Variants in PLCB1 observed in about 807,000 individuals in gnomAD.
PLCB1 encodes phospholipase C beta 1, also known as 1-phosphatidylinositol 4,5-bisphosphate phosphodiesterase beta-1.
In PLCB1, 46 loss-of-function variants were observed where a neutral mutation model predicts 161.8. The ratio of observed to expected loss-of-function variants is 0.28; its 90% CI spans 0.22 to 0.36. The LOEUF (loss-of-function observed/expected upper bound fraction) is 0.36. PLCB1 is among the 10% of genes least tolerant of loss of function. The pLI is 1.00. For missense variants in PLCB1, 1,016 were observed against 1,472.5 expected (o/e 0.69, Z 5.07); for synonymous variants, 517 against 503.7 (o/e 1.03, Z -0.35).
chr20:8,444,735 A>G (rs911315829), intron 3 of PLCB1, among the ~76,000 whole-genome samples: 23 of 152,100 alleles, frequency 1.5e-4, no homozygotes, highest in Admixed American at 1.2e-3. Flanking sequence ...TTTAATGATC[A>G]CCATTCTAAC....
At chr20:8,455,432 C>CA (rs1981265402) in intron 3 of PLCB1, among the ~76,000 whole-genome samples, 2 of 74,168 alleles carry the variant, frequency 2.7e-5, no homozygotes, top group Non-Finnish European at 4.5e-5. Flanking sequence ...TATTCTTCCT[C>CA]TTTTTTTTTT....
At chr20:8,149,443 G>T (rs2051486622) in intron 1 of PLCB1, among the ~76,000 whole-genome samples, 1 of 152,034 alleles carries the variant, frequency 6.6e-6, no homozygotes, top group Non-Finnish European at 1.5e-5. Flanking sequence ...AATTATCTCT[G>T]CAAGTTCTAA....
At chr20:8,210,329 C>T (rs537100465) in intron 2 of PLCB1, among the ~76,000 whole-genome samples, 1 of 152,096 alleles carries the variant, frequency 6.6e-6, no homozygotes, top group South Asian at 2.1e-4. Flanking sequence ...TATAGTCATG[C>T]CTCTCCAATC....
chr20:8,832,361 C>T (rs759514055), intron 31 of PLCB1, among the ~76,000 whole-genome samples: 10 of 152,148 alleles, frequency 6.6e-5, no homozygotes, highest in Admixed American at 5.2e-4. Context: ...TGAAAACTGC[C>T]CATTATAATA....
At chr20:8,874,784 AT>A (rs754329226) in intron 31 of PLCB1, among the ~76,000 whole-genome samples, 58 of 152,026 alleles carry the variant, frequency 3.8e-4, no homozygotes, top group Non-Finnish European at 7.5e-4. Flanking sequence ...AATCAATGCT[AT>A]TTTTCCTGTA....
intron 2 of PLCB1, among the ~76,000 whole-genome samples, chr20:8,233,233 T>C (rs1980155783): frequency 3.2e-5 from 2 of 62,978 alleles, no homozygotes; most frequent in Non-Finnish European, 5.8e-5. Flanking sequence ...AGATGTCATA[T>C]TCATCAATTG....
At chr20:8,399,862 C>G (rs1303251303) in intron 3 of PLCB1, among the ~76,000 whole-genome samples, 1 of 151,800 alleles carries the variant, frequency 6.6e-6, no homozygotes, top group Non-Finnish European at 1.5e-5. Context: ...GAAAAAAAAC[C>G]TTTTGGTTAT....
chr20:8,646,171 C>T lies in PLCB1; in HGVS notation c.454C>T (p.Leu152=). 2 of 1,610,332 alleles carry T rather than the reference C, an allele frequency of 1.2e-6. No individual in the cohort carries two copies. Among genetic ancestry groups the T allele is most frequent in the Non-Finnish European group, 1.7e-6 (2 of 1,176,560 alleles). The change falls in exon 5 of 32, where the codon CTG becomes TTG. Residue 152 remains leucine (L), a synonymous_variant. Transcript: ENST00000338037. ...CCAAAACATGTCCAGGGATGCATTTCTGGAAAAAGCGTAAGTCACTCTAAT... is the reference window on the plus strand; with the variant it reads ...CCAAAACATGTCCAGGGATGCATTTTTGGAAAAAGCGTAAGTCACTCTAAT... ...LAQNMSRDAF[L]EKAYTKLKLQ...
rs577155906 is a variant in PLCB1, at chr20:8,236,561, A to G, written c.177+86190A>G. ...ATATTAATTAATTAATTAATATAAA[A>G]TAAAGGTACTAAATCAATTGGGTAA... On this transcript the variant is annotated intron_variant, in intron 2 of 31. Transcript: ENST00000338037. Among the ~76,000 whole-genome samples the G allele has an allele frequency of 3.9e-5, 6 of 152,136 alleles. No individual in the cohort carries two copies. In the South Asian group the frequency reaches 1.2e-3, roughly 32 times the overall value.
intron 31 of PLCB1, among the ~76,000 whole-genome samples, chr20:8,812,629 A>T (rs1984881903): frequency 6.6e-6 from 1 of 152,202 alleles, no homozygotes; most frequent in Non-Finnish European, 1.5e-5. Flanking sequence ...ACCTATGAGG[A>T]TGCAGAGAGC....
chr20:8,443,269 A>C (rs150070725), intron 3 of PLCB1, among the ~76,000 whole-genome samples: 4 of 152,084 alleles, frequency 2.6e-5, no homozygotes, highest in Admixed American at 6.6e-5. Flanking sequence ...CGTGAGCCAC[A>C]GCACCTGGCC....
chr20:8,196,800 T>G (rs2052029257), intron 2 of PLCB1, among the ~76,000 whole-genome samples: 1 of 152,048 alleles, frequency 6.6e-6, no homozygotes, highest in Admixed American at 6.6e-5. Flanking sequence ...GTATATCTCC[T>G]AATGCTATCC....
chr20:8,181,123 C>T (rs2123089738), intron 2 of PLCB1, among the ~76,000 whole-genome samples: 1 of 151,772 alleles, frequency 6.6e-6, no homozygotes, highest in South Asian at 2.1e-4. Context: ...TGGTGGCATG[C>T]CTGTAATCCC....
chr20:8,136,554 A>G (rs989996957), intron 1 of PLCB1, among the ~76,000 whole-genome samples: 54 of 150,934 alleles, frequency 3.6e-4, no homozygotes, highest in Admixed American at 1.3e-3. Flanking sequence ...TGAACCTGGG[A>G]GGCGGAGCTT....
chr20:8,604,924 A>G (rs1800593212), intron 3 of PLCB1, among the ~76,000 whole-genome samples: 1 of 152,156 alleles, frequency 6.6e-6, no homozygotes, highest in South Asian at 2.1e-4. Flanking sequence ...TATTTGTTAT[A>G]AATATCACTG....
chr20:8,574,323 CAA>C (rs1419827978), intron 3 of PLCB1, among the ~76,000 whole-genome samples: 1 of 152,118 alleles, frequency 6.6e-6, no homozygotes, highest in East Asian at 1.9e-4. Flanking sequence ...TGCTTGAAGA[CAA>C]GAGGCAGAGG....
intron 3 of PLCB1, among the ~76,000 whole-genome samples, chr20:8,540,755 C>G (rs1378816465): frequency 6.6e-6 from 1 of 152,128 alleles, no homozygotes; most frequent in Non-Finnish European, 1.5e-5. Flanking sequence ...TCCACCTTCT[C>G]CACAGTTGTT....
At chr20:8,304,134 A>G (rs1984025336) in intron 2 of PLCB1, among the ~76,000 whole-genome samples, 1 of 152,198 alleles carries the variant, frequency 6.6e-6, no homozygotes, top group South Asian at 2.1e-4. Context: ...TGGGGACCAA[A>G]TCTGATGGAC....
rs1345099150 is a variant in PLCB1 at position 8,334,969 on chromosome 20, A to G, written c.178-36413A>G. The stretch of plus-strand genomic sequence containing the variant: ...CAGACTCTTCATAAAATTTCCTATA[A>G]CCATACCTATTTCTGTACCAAATTC... On this transcript the variant is annotated intron_variant, in intron 2 of 31. Coordinates refer to ENST00000338037, the MANE Select transcript of PLCB1 (RefSeq NM_015192.4). Among the ~76,000 whole-genome samples the G allele has an allele frequency of 3.3e-5, 5 of 152,096 alleles. No homozygotes were observed. In the South Asian group the frequency reaches 8.3e-4, roughly 25 times the overall value.
Sources: allele counts gnomAD v4.1 joint callset (sites outside exome capture counted in the v4.1 genomes callset), GRCh38; gene constraint gnomAD v4.1.1; transcripts MANE v1.5; gene names NCBI Gene and HGNC (gene_info 2026-07-23, HGNC 2026-07-21).